Variants in PELI1 observed in about 807,000 individuals in gnomAD.
PELI1 encodes E3 ubiquitin-protein ligase pellino homolog 1.
In PELI1, 15 loss-of-function variants were observed where a neutral mutation model predicts 41.3. The observed-to-expected ratio is 0.36, with a 90% CI of 0.24 to 0.56. The LOEUF (loss-of-function observed/expected upper bound fraction) is 0.56, where lower values mean the gene tolerates loss of function less well. Among genes scored for constraint, PELI1 ranks in the 20% least tolerant of loss-of-function variants. The pLI, the probability that PELI1 is intolerant of heterozygous loss-of-function variation, is 0.82. For missense variants in PELI1, 403 were observed against 525.5 expected (o/e 0.77, Z 2.28); for synonymous variants, 178 against 180.1 (o/e 0.99, Z 0.09).
At chr2:64,136,250 C>G (rs1338786369) in intron 1 of PELI1, among the ~76,000 whole-genome samples, 1 of 152,002 alleles carries the variant, frequency 6.6e-6, no homozygotes, top group East Asian at 1.9e-4. Flanking sequence ...TAATGGAAAG[C>G]CCAGGAATTA....
At chr2:64,143,209 T>C (rs1310958916) in intron 1 of PELI1, 1 of 152,248 alleles carries the variant, frequency 6.6e-6, no homozygotes, top group Non-Finnish European at 1.5e-5. Flanking sequence ...CGTGAGTTTA[T>C]GATTTACATT....
chr2:64,096,617 G>C lies in PELI1; in HGVS notation c.304-7C>G. ...TTTCAGTCGACCGGCCAATCTGAGG[G>C]AAAAAAAAAAATACCTATAAACCCA... On this transcript the variant is annotated splice_polypyrimidine_tract_variant and splice_region_variant and intron_variant, in intron 4 of 6. Transcript: ENST00000358912. 1 of 1,317,124 alleles carries C rather than the reference G, an allele frequency of 7.6e-7. No homozygotes were observed. The highest frequency in any genetic ancestry group is 1.0e-6 in the Non-Finnish European group (1 of 966,312). The allele number at this position is 1,317,124 out of a possible 1,614,324, so 81.6% of individuals were successfully genotyped here.
At chr2:64,132,084 A>C (rs1681575062) in intron 1 of PELI1, among the ~76,000 whole-genome samples, 1 of 152,228 alleles carries the variant, frequency 6.6e-6, no homozygotes, top group Non-Finnish European at 1.5e-5. Context: ...TTGGCAACAG[A>C]TCTTTCCCCC....
rs1230933869 is a variant in PELI1, at chr2:64,108,368, T to C, written c.-58A>G. ...CTGGTCAGGAGCCTTGGGACACCTT[T>C]TGCATTATTTCCTAGAGGGGAAAAG... On this transcript the variant is annotated 5_prime_UTR_variant, in exon 2 of 7. Transcript: ENST00000358912. The C allele has an allele frequency of 1.0e-6, 1 of 984,470 alleles. No homozygotes were observed. Among genetic ancestry groups the C allele is most frequent in the Non-Finnish European group, 1.6e-6 (1 of 615,840 alleles). 61.0% of individuals were successfully genotyped at this position (984,470 alleles called of 1,614,324 possible). A position where few individuals can be genotyped will look rare whatever the true frequency, so the allele number is the denominator to read the frequency against.
rs1680187735 is a variant in PELI1, at chr2:64,095,141, T to C, written c.818A>G (p.Gln273Arg). ...PTVKHLEALR[Q>R]EINAARPQCP... is the part of the protein sequence containing the mutation. ...CTGAGGTCGTGCTGCATTGATTTCC[T>C]GTCTTAAAGCTTCTAAATGCTTCAC... The change falls in exon 7 of 7, where the codon CAG becomes CGG. Residue 273 changes from glutamine to arginine, a missense_variant. Transcript: ENST00000358912. 6.2e-7 allele frequency: 1 copy of C among 1,614,236 alleles called. No individual in the cohort carries two copies. The highest frequency in any genetic ancestry group is 8.5e-7 in the Non-Finnish European group (1 of 1,180,022).
chr2:64,097,964 A>G (rs1477716125), intron 4 of PELI1, among the ~76,000 whole-genome samples: 4 of 151,782 alleles, frequency 2.6e-5, no homozygotes, highest in Non-Finnish European at 5.9e-5. Context: ...ATATTCCCCC[A>G]AATAAAAAGG....
At chr2:64,117,732 C>T (rs1168683789) in intron 1 of PELI1, among the ~76,000 whole-genome samples, 1 of 152,014 alleles carries the variant, frequency 6.6e-6, no homozygotes, top group East Asian at 1.9e-4. Flanking sequence ...TATGAGAGTT[C>T]TAATTTTCTC....
intron 2 of PELI1, among the ~76,000 whole-genome samples, chr2:64,106,735 C>T (rs1680634152): frequency 6.6e-6 from 1 of 152,106 alleles, no homozygotes; most frequent in Admixed American, 6.5e-5. Context: ...GAACAAGCAC[C>T]GGATTCTAGG....
At chr2:64,140,044 T>A (rs1456376704) in intron 1 of PELI1, among the ~76,000 whole-genome samples, 2 of 152,222 alleles carry the variant, frequency 1.3e-5, no homozygotes, top group East Asian at 3.8e-4. Context: ...TTTCTTAGCT[T>A]ATTTTAGACA....
At position 64,132,933 on chromosome 2, in the gene PELI1, C is replaced by G. The variant is rs566957180; in HGVS notation, c.-70+11148G>C. Among the ~76,000 whole-genome samples the G allele has an allele frequency of 2.6e-4, 40 of 152,226 alleles. 1 individual carries two copies. The highest frequency in any genetic ancestry group is 1.0e-3 in the Admixed American group (16 of 15,288). On this transcript the variant is annotated intron_variant, in intron 1 of 6. Transcript: ENST00000358912. ...TGATCCTTAGGTAATTTGTATAATACATTAATGAAAAACACTGGTCTGATA... is the reference window on the plus strand; with the variant it reads ...TGATCCTTAGGTAATTTGTATAATAGATTAATGAAAAACACTGGTCTGATA...
intron 1 of PELI1, among the ~76,000 whole-genome samples, chr2:64,123,740 C>T (rs1404447515): frequency 6.6e-6 from 1 of 152,100 alleles, no homozygotes. Context: ...TCTGGCAGTT[C>T]CTCCAGATTA....
Position 64,094,899 on chromosome 2 carries a change from A to G in PELI1, c.1060T>C (p.Tyr354His). ...PLWLGCEAGFYVDAGPPTHAF... is the reference protein window; with the variant it reads ...PLWLGCEAGFHVDAGPPTHAF... ...TGGGTTGGAGGGCCGGCGTCCACAT[A>G]AAATCCAGCTTCACATCCAAGCCAC... Residue 354 changes from tyrosine to histidine, a missense_variant, in exon 7 of 7, where the codon TAT (tyrosine) becomes CAT (histidine). Physicochemically the swap from Tyr to His is moderately conservative, Grantham distance 83 (BLOSUM62 2). Coordinates refer to ENST00000358912, the MANE Select transcript of PELI1 (RefSeq NM_020651.4). 1 of 1,614,236 alleles carries G rather than the reference A, an allele frequency of 6.2e-7. No homozygotes were observed. The highest frequency in any genetic ancestry group is 1.1e-5 in the South Asian group (1 of 91,078).
chr2:64,142,897 G>C (rs929315294), intron 1 of PELI1, among the ~76,000 whole-genome samples: 4 of 152,180 alleles, frequency 2.6e-5, no homozygotes, highest in Non-Finnish European at 5.9e-5. Flanking sequence ...ACATTTTGCA[G>C]AGTAAGAAAA....
rs570003558 is a variant in PELI1, at chr2:64,112,980, T to C, written c.-69-4601A>G. On this transcript the variant is annotated intron_variant, in intron 1 of 6. Coordinates refer to ENST00000358912, the MANE Select transcript of PELI1 (RefSeq NM_020651.4). ...TTTAAAATCTGAGTAAAAGAATTCT[T>C]CAAAATGAATTCCTAGGCTGGGCAT... is the stretch of plus-strand genomic sequence containing the variant. Among the ~76,000 whole-genome samples the C allele has an allele frequency of 2.4e-4, 36 of 152,234 alleles. No homozygotes were observed. The South Asian group carries it at 7.3e-3, about 31-fold the overall frequency.
chr2:64,123,545 T>C (rs955187292), intron 1 of PELI1, among the ~76,000 whole-genome samples: 1 of 152,222 alleles, frequency 6.6e-6, no homozygotes, highest in Non-Finnish European at 1.5e-5. Flanking sequence ...ATAGCCAATA[T>C]GTACATAAAA....
chr2:64,143,193 T>G (rs1481382060), intron 1 of PELI1: 1 of 152,332 alleles, frequency 6.6e-6, no homozygotes, highest in Middle Eastern at 3.4e-3. Context: ...TAAAAGTAGA[T>G]GGTGACGTGA....
chr2:64,093,943 G>A lies in PELI1; in HGVS notation c.*759C>T, dbSNP rs576914190. The A allele has an allele frequency of 8.8e-4, 135 of 152,706 alleles. 1 individual carries two copies. The highest frequency in any genetic ancestry group is 3.2e-3 in the African/African-American group (132 of 41,552). 9.5% of individuals were successfully genotyped at this position (152,706 alleles called of 1,614,324 possible). A position where few individuals can be genotyped will look rare whatever the true frequency, so the allele number is the denominator to read the frequency against. On this transcript the variant is annotated 3_prime_UTR_variant, in exon 7 of 7. Transcript: ENST00000358912. Reference sequence around the variant, plus strand: ...TCTAGATTAAATTGCATATCCAAAGGAGCATATAAAATGTTTCTTAGCATT... The same window carrying A: ...TCTAGATTAAATTGCATATCCAAAGAAGCATATAAAATGTTTCTTAGCATT...
chr2:64,113,953 C>A (rs2103702446), intron 1 of PELI1, among the ~76,000 whole-genome samples: 1 of 151,904 alleles, frequency 6.6e-6, no homozygotes, highest in South Asian at 2.1e-4. Context: ...CTACTAAACA[C>A]AAGTACAAAA....
At chr2:64,128,402 A>G (rs1681456195) in intron 1 of PELI1, among the ~76,000 whole-genome samples, 1 of 152,172 alleles carries the variant, frequency 6.6e-6, no homozygotes, top group African/African-American at 2.4e-5. Flanking sequence ...AAAGTTACAC[A>G]TGATATATTT....
Sources: allele counts gnomAD v4.1 joint callset (sites outside exome capture counted in the v4.1 genomes callset), GRCh38; gene constraint gnomAD v4.1.1; transcripts MANE v1.5; gene names NCBI Gene and HGNC (gene_info 2026-07-23, HGNC 2026-07-21).